The following AWAT2 variants were observed in gnomAD, a reference collection of about 807,000 sequenced individuals.
AWAT2 encodes acyl-CoA wax alcohol acyltransferase 2.
AWAT2 carries 9 observed loss-of-function variants against 22.3 expected under a neutral mutation model. The observed-to-expected ratio is 0.40, with a 90% CI of 0.24 to 0.70. The LOEUF (loss-of-function observed/expected upper bound fraction) is 0.70. Ranked by LOEUF, AWAT2 falls within the 30% of genes least tolerant of loss-of-function variation. The pLI is 0.36. For synonymous variants in AWAT2, 100 were observed against 93.4 expected, an observed-to-expected ratio of 1.07 and a Z score of -0.40; for missense variants, 217 against 265.9, an observed-to-expected ratio of 0.82 and a Z score of 1.28.
intron 1 of AWAT2, among the ~76,000 whole-genome samples, chrX:70,046,754 T>G (rs1456013623): frequency 8.9e-6 from 1 of 111,861 alleles, no homozygotes; most frequent in Non-Finnish European, 1.9e-5. Flanking sequence ...AAGCTTTTTA[T>G]GTAACAGTTT....
intron 5 of AWAT2, chrX:70,042,639 AAAGT>A: frequency 2.3e-6 from 1 of 441,379 alleles, no homozygotes. Context: ...GAAACGCTGG[AAAGT>A]AAGACCCAAG....
rs59748319 is a variant in AWAT2 at position 70,046,407 on chromosome X, ATT to A, written c.86-1947_86-1946del. On this transcript the variant is annotated intron_variant, in intron 1 of 7. Transcript: ENST00000276101. ...GTCTGTTTCAAGACCACTGTACTCA[ATT>A]TTTTTTTTTTTTTTGGACAGGGTCT... 4.6e-3 allele frequency among the ~76,000 whole-genome samples: 370 copies of A among 81,081 alleles called. 1 individual carries two copies. The highest frequency in any genetic ancestry group is 6.4e-3 in the Middle Eastern group (1 of 157). The allele number at this position is 81,081 out of a possible 115,157, so 70.4% of individuals were successfully genotyped here.
At chrX:70,041,985 A>G in intron 6 of AWAT2, 23 bp from the exon 7 acceptor site, 1 of 1,202,756 alleles carries the variant, frequency 8.3e-7, no homozygotes, top group Non-Finnish European at 1.1e-6. Context: ...ACAGTGAAGG[A>G]AAAGGGAAAA....
chrX:70,042,868 T>G, intron 5 of AWAT2: 3 of 410,932 alleles, frequency 7.3e-6, no homozygotes, highest in East Asian at 4.4e-5. Context: ...GTGGCTTTCC[T>G]CCTCCCTCTT....
At chrX:70,044,589 C>T in intron 1 of AWAT2, 127 bp from the exon 2 acceptor site, 1 of 1,045,720 alleles carries the variant, frequency 9.6e-7, no homozygotes, top group Non-Finnish European at 1.3e-6. Flanking sequence ...AACACTCTCA[C>T]TTCTTCACCC....
intron 5 of AWAT2, chrX:70,042,625 G>T (rs2020335644): frequency 1.1e-5 from 5 of 444,421 alleles, no homozygotes; most frequent in Non-Finnish European, 7.8e-6. Flanking sequence ...GAACCCCTGG[G>T]TCTGAAACGC....
chrX:70,048,358 CTCT>C (rs2020377561), intron 1 of AWAT2, among the ~76,000 whole-genome samples: 1 of 111,670 alleles, frequency 9.0e-6, no homozygotes, highest in Non-Finnish European at 1.9e-5. Context: ...CTTCTTCCCT[CTCT>C]TGTTTGTTCA....
In AWAT2 at chrX:70,044,213, C is replaced by T. The variant is rs1472120499; in HGVS notation, c.196+139G>A. On this transcript the variant is annotated intron_variant, in intron 2 of 7. Transcript: ENST00000276101. ...GCCTTTCTACCACCTTAAAAGGACC[C>T]CTTCCCTCAGCCTCTCTAGCCCAGG... 4.7e-6 allele frequency: 5 copies of T among 1,074,986 alleles called. No individual in the cohort carries two copies. The East Asian group carries it at 9.9e-5, about 21-fold the overall frequency. The allele number at this position is 1,074,986 out of a possible 1,213,427, so 88.6% of individuals were successfully genotyped here.
intron 5 of AWAT2, chrX:70,042,781 G>T: frequency 5.0e-6 from 2 of 399,784 alleles, no homozygotes; most frequent in South Asian, 9.1e-5. Context: ...GGGAGAACAG[G>T]CTCAGGGCTG....
At chrX:70,045,767 A>G (rs746805410) in intron 1 of AWAT2, among the ~76,000 whole-genome samples, 1 of 111,762 alleles carries the variant, frequency 8.9e-6, no homozygotes, top group South Asian at 3.8e-4. Flanking sequence ...TCAGAAAACT[A>G]CTGGAGAATG....
chrX:70,046,049 TG>T (rs2020359516), intron 1 of AWAT2, among the ~76,000 whole-genome samples: 1 of 110,944 alleles, frequency 9.0e-6, no homozygotes, highest in Admixed American at 9.6e-5. Context: ...GAGGCCAAAT[TG>T]TAACAGGAAG....
At position 70,043,247 on chromosome X, in the gene AWAT2, G is replaced by A. The variant is rs1224952725; in HGVS notation, c.473-4C>T. 8.3e-7 allele frequency: 1 copy of A among 1,198,325 alleles called. No individual in the cohort carries two copies. ...GATCGACTCACAGAGCAGGCCCCTG[G>A]TGGATAGAAAAAGCCAAACAGCCAC... is the stretch of plus-strand genomic sequence containing the variant. On this transcript the variant is annotated splice_region_variant and splice_polypyrimidine_tract_variant and intron_variant, in intron 4 of 7. Transcript: ENST00000276101.
chrX:70,049,612 T>C (rs1323726091), intron 1 of AWAT2, among the ~76,000 whole-genome samples: 1 of 111,278 alleles, frequency 9.0e-6, no homozygotes, highest in Non-Finnish European at 1.9e-5. Context: ...TAGACGTGCA[T>C]ATACACACCC....
At chrX:70,048,108 G>A (rs762539806) in intron 1 of AWAT2, among the ~76,000 whole-genome samples, 5 of 104,846 alleles carry the variant, frequency 4.8e-5, no homozygotes, top group South Asian at 4.5e-4. Context: ...CATCACTACC[G>A]GCCTGGTCCA....
chrX:70,043,250 G>T lies in AWAT2; in HGVS notation c.473-7C>A, dbSNP rs748493770. 10 of 1,196,388 alleles carry T rather than the reference G, an allele frequency of 8.4e-6. No homozygotes were observed. The highest frequency in any genetic ancestry group is 1.1e-5 in the Non-Finnish European group (10 of 887,733). On this transcript the variant is annotated splice_region_variant and splice_polypyrimidine_tract_variant and intron_variant, in intron 4 of 7. Coordinates refer to ENST00000276101, the MANE Select transcript of AWAT2 (RefSeq NM_001002254.1). ...CGACTCACAGAGCAGGCCCCTGGTGGATAGAAAAAGCCAAACAGCCACTGG... is the reference window on the plus strand; with the variant it reads ...CGACTCACAGAGCAGGCCCCTGGTGTATAGAAAAAGCCAAACAGCCACTGG...
intron 1 of AWAT2, among the ~76,000 whole-genome samples, chrX:70,045,164 T>G (rs1392215616): frequency 8.9e-6 from 1 of 112,301 alleles, no homozygotes; most frequent in African/African-American, 3.2e-5. Flanking sequence ...AGAGAACATT[T>G]CTAATTGAAC....
In AWAT2 at chrX:70,049,920, A is replaced by G. The variant is rs2020386556; in HGVS notation, c.13T>C (p.Ser5Pro). The G allele has an allele frequency of 1.7e-6, 2 of 1,211,599 alleles. No homozygotes were observed. Among genetic ancestry groups the G allele is most frequent in the Non-Finnish European group, 2.2e-6 (2 of 895,435 alleles). The change falls in exon 1 of 8, where the codon TCT becomes CCT. Residue 5 changes from serine (S) to proline (P), a missense_variant. Ser to Pro is a moderately conservative substitution (Grantham distance 74). Coordinates refer to ENST00000276101, the MANE Select transcript of AWAT2 (RefSeq NM_001002254.1). MLLPSKKDLKTALDV... is the reference protein window; with the variant it reads MLLPPKKDLKTALDV... ...AGGGCAGTCTTGAGGTCCTTCTTAGAGGGCAAGAGCATTGTGCCCAGCGTC... is the reference window on the plus strand; with the variant it reads ...AGGGCAGTCTTGAGGTCCTTCTTAGGGGGCAAGAGCATTGTGCCCAGCGTC...
At chrX:70,044,562 C>T in intron 1 of AWAT2, 100 bp from the exon 2 acceptor site, 1 of 1,103,919 alleles carries the variant, frequency 9.1e-7, no homozygotes, top group East Asian at 3.3e-5. Flanking sequence ...TGCACTCTCT[C>T]TCACCCATAC....
At chrX:70,049,809 C>T in intron 1 of AWAT2, 39 bp downstream of exon 1, 1 of 1,202,429 alleles carries the variant, frequency 8.3e-7, no homozygotes, top group Non-Finnish European at 1.1e-6. Flanking sequence ...TCAGGCAAGC[C>T]AGGATGGTTG....
Sources: gnomAD v4.1 joint callset for allele counts (sites outside exome capture counted in the v4.1 genomes callset) on GRCh38, gnomAD v4.1.1 for gene constraint, MANE v1.5 for transcripts, NCBI Gene and HGNC (gene_info 2026-07-23, HGNC 2026-07-21) for gene names.